SYTL2: variants seen among roughly 807,000 people sequenced by gnomAD.
The protein encoded by SYTL2 is synaptotagmin like 2, also known as synaptotagmin-like protein 2.
SYTL2 carries 165 observed loss-of-function variants against 198.7 expected under a neutral mutation model. The ratio of observed to expected loss-of-function variants is 0.83; its 90% CI spans 0.73 to 0.94. The LOEUF (loss-of-function observed/expected upper bound fraction) is 0.94. Ranked by LOEUF, SYTL2 falls within the 40% of genes least tolerant of loss-of-function variation. The pLI is 0.00. For missense variants in SYTL2, 2,835 were observed against 2,582.8 expected (o/e 1.10, Z -2.12); for synonymous variants, 966 against 917.7 (o/e 1.05, Z -0.95).
At chr11:85,783,827 G>A (rs2092598819) in intron 1 of SYTL2, among the ~76,000 whole-genome samples, 1 of 152,290 alleles carries the variant, frequency 6.6e-6, no homozygotes, top group South Asian at 2.1e-4. Context: ...GTGTCACAAA[G>A]CACAGAATCA....
intron 1 of SYTL2, among the ~76,000 whole-genome samples, chr11:85,786,802 T>C (rs1262309273): frequency 1.3e-5 from 2 of 152,212 alleles, no homozygotes; most frequent in African/African-American, 2.4e-5. Context: ...AAAACAAATA[T>C]TTCAGGACTC....
At chr11:85,782,296 G>A (rs2092573493) in intron 1 of SYTL2, among the ~76,000 whole-genome samples, 1 of 152,178 alleles carries the variant, frequency 6.6e-6, no homozygotes, top group Non-Finnish European at 1.5e-5. Flanking sequence ...TGGAGTAGCT[G>A]GGATGGAGGG....
chr11:85,750,953 T>C (rs1157804201), intron 2 of SYTL2, among the ~76,000 whole-genome samples: 4 of 152,188 alleles, frequency 2.6e-5, no homozygotes, highest in Non-Finnish European at 5.9e-5. Flanking sequence ...TTTTTGTTTT[T>C]CAACTAAAAT....
rs369357222 is a variant in SYTL2 at position 85,724,069 on chromosome 11, G to A, written c.5289C>T (p.Asn1763=). 8 of 1,550,784 alleles carry A rather than the reference G, an allele frequency of 5.2e-6. No individual in the cohort carries two copies. Among genetic ancestry groups the A allele is most frequent in the Non-Finnish European group, 6.9e-6 (8 of 1,158,422 alleles). Residue 1763 remains asparagine (N), a synonymous_variant, in exon 8 of 20, where the codon AAC becomes AAT. Coordinates refer to ENST00000359152, the MANE Select transcript of SYTL2 (RefSeq NM_206927.4). ...TCCAGCTCTCTGCATTAGAACTGGT[G>A]TTTCCATCTGAAAAATCAGACTCAG... The part of the protein sequence containing the change: ...GFSESDFSDG[N]TSSNAESWRN...
rs368569996 is a variant in SYTL2 at position 85,734,179 on chromosome 11, G to C, written c.1150C>G (p.Pro384Ala). The part of the protein sequence containing the change: ...DTEEFQSDPK[P>A]SQYRKPSLFH... ...AGCGAAGGCTTTCTGTATTGAGAAG[G>C]CTTAGGGTCACTCTGAAACTCTTCT... Residue 384 changes from proline (P) to alanine (A), a missense_variant, in exon 7 of 20, where the codon CCT becomes GCT. Around this residue, in one of 3 missense-constraint regions of SYTL2, gnomAD observed 2,645 missense variants for 2,381.7 expected, o/e 1.11. Coordinates refer to ENST00000359152, the MANE Select transcript of SYTL2 (RefSeq NM_206927.4). 5.0e-6 allele frequency: 8 copies of C among 1,614,144 alleles called. No individual in the cohort carries two copies. Among genetic ancestry groups the C allele is most frequent in the Non-Finnish European group, 4.2e-6 (5 of 1,180,000 alleles).
At chr11:85,788,504 A>T (rs889775827) in intron 1 of SYTL2, among the ~76,000 whole-genome samples, 1 of 152,172 alleles carries the variant, frequency 6.6e-6, no homozygotes, top group Non-Finnish European at 1.5e-5. Context: ...AAATATACAC[A>T]AGTTGTGAAA....
chr11:85,738,133 A>T (rs933105430), intron 4 of SYTL2, among the ~76,000 whole-genome samples: 2 of 152,160 alleles, frequency 1.3e-5, no homozygotes, highest in Non-Finnish European at 2.9e-5. Context: ...GCTTTTCCCC[A>T]TGAAGTAAGG....
chr11:85,770,534 C>T (rs1206288640), intron 1 of SYTL2, among the ~76,000 whole-genome samples: 1 of 152,200 alleles, frequency 6.6e-6, no homozygotes, highest in African/African-American at 2.4e-5. Flanking sequence ...CCAGTATTGG[C>T]ATCCTTCTCA....
intron 8 of SYTL2, among the ~76,000 whole-genome samples, chr11:85,723,434 A>G (rs2088651081): frequency 1.3e-5 from 2 of 152,360 alleles, no homozygotes; most frequent in South Asian, 4.1e-4. Flanking sequence ...TGAGGGAAGG[A>G]AAGTTCCGGC....
intron 4 of SYTL2, among the ~76,000 whole-genome samples, chr11:85,738,491 G>C (rs1313665545): frequency 6.6e-6 from 1 of 152,244 alleles, no homozygotes; most frequent in South Asian, 2.1e-4. Context: ...AATGGAGCCC[G>C]AATTAAGACT....
At chr11:85,739,819 A>G (rs2090650928) in intron 4 of SYTL2, among the ~76,000 whole-genome samples, 1 of 152,144 alleles carries the variant, frequency 6.6e-6, no homozygotes, top group African/African-American at 2.4e-5. Context: ...GACTCCAAAG[A>G]CAATCATGGT....
intron 11 of SYTL2, 148 bp from the exon 12 acceptor site, chr11:85,714,655 C>T: frequency 7.2e-7 from 1 of 1,390,656 alleles, no homozygotes; most frequent in Non-Finnish European, 9.4e-7. Context: ...TGCACAGGAT[C>T]ATGAGATTAG....
chr11:85,777,607 A>G (rs188459986), intron 1 of SYTL2, among the ~76,000 whole-genome samples: 30 of 152,050 alleles, frequency 2.0e-4, no homozygotes, highest in Non-Finnish European at 3.8e-4. Context: ...CAGGCTCTGT[A>G]CACTAAAAGA....
At chr11:85,707,975 A>AAACC (rs1306765777) in intron 14 of SYTL2, 1 of 190,380 alleles carries the variant, frequency 5.3e-6, no homozygotes. Flanking sequence ...AAAAAAAAAA[A>AAACC]CCACACACAC....
At chr11:85,778,756 C>T (rs2092504355) in intron 1 of SYTL2, among the ~76,000 whole-genome samples, 1 of 152,316 alleles carries the variant, frequency 6.6e-6, no homozygotes, top group African/African-American at 2.4e-5. Flanking sequence ...TCAGGCGGAT[C>T]ACTTAAGCTC....
chr11:85,758,575 A>G (rs1299233248), intron 1 of SYTL2, among the ~76,000 whole-genome samples: 1 of 152,226 alleles, frequency 6.6e-6, no homozygotes, highest in Non-Finnish European at 1.5e-5. Flanking sequence ...TATTAGATAG[A>G]GATAGTTTGC....
chr11:85,806,305 C>A (rs536314277), intron 1 of SYTL2, among the ~76,000 whole-genome samples: 2 of 152,290 alleles, frequency 1.3e-5, no homozygotes, highest in Non-Finnish European at 2.9e-5. Flanking sequence ...CTTTCTCCCC[C>A]TCTCCAGTTC....
intron 1 of SYTL2, among the ~76,000 whole-genome samples, chr11:85,790,281 A>T (rs1270547214): frequency 1.3e-5 from 2 of 152,152 alleles, no homozygotes. Context: ...ACCTGTATAC[A>T]ACTGTTTTGA....
At chr11:85,837,407 G>T in the SYTL2 span, among the ~76,000 whole-genome samples, 2 of 152,196 alleles carry the variant, frequency 1.3e-5, no homozygotes, top group Non-Finnish European at 1.5e-5. Flanking sequence ...GCAGCCATCT[G>T]TAAGTCAGGA....
Sources: allele counts gnomAD v4.1 joint callset (sites outside exome capture counted in the v4.1 genomes callset), GRCh38; gene constraint gnomAD v4.1.1; regional missense constraint gnomAD v4.1.1; transcripts MANE v1.5; gene names NCBI Gene and HGNC (gene_info 2026-07-23, HGNC 2026-07-21).